The following SAMD12 variants were observed in gnomAD, a reference collection of about 807,000 sequenced individuals.
SAMD12 encodes the protein sterile alpha motif domain containing 12.
Under a neutral mutation model 15.0 loss-of-function variants are expected in SAMD12, and 9 were observed. That is an observed-to-expected ratio of 0.60 (90% confidence interval 0.36 to 1.05). The LOEUF (loss-of-function observed/expected upper bound fraction) is 1.05, where lower values mean the gene tolerates loss of function less well. Ranked by LOEUF, SAMD12 falls within the 50% of genes least tolerant of loss-of-function variation. The probability of loss-of-function intolerance (pLI) is 0.01; values close to 1 mark genes in which losing one functional copy is unlikely to be tolerated. For missense variants in SAMD12, 230 were observed against 234.2 expected, an observed-to-expected ratio of 0.98 and a Z score of 0.12; for synonymous variants, 86 against 90.1, an observed-to-expected ratio of 0.96 and a Z score of 0.25.
At chr8:118,264,199 T>C (rs1813147820) in intron 4 of SAMD12, among the ~76,000 whole-genome samples, 1 of 152,106 alleles carries the variant, frequency 6.6e-6, no homozygotes, top group Admixed American at 6.6e-5. Flanking sequence ...TTGGCATCTT[T>C]ACCACCCTCT....
intron 2 of SAMD12, among the ~76,000 whole-genome samples, chr8:118,457,102 ATAC>A (rs1377773887): frequency 2.6e-5 from 4 of 152,226 alleles, no homozygotes; most frequent in African/African-American, 7.2e-5. Flanking sequence ...TCAGTCCCTG[ATAC>A]TACTGACAAT....
chr8:118,564,396 T>C (rs1162380330), intron 2 of SAMD12, among the ~76,000 whole-genome samples: 1 of 152,068 alleles, frequency 6.6e-6, no homozygotes, highest in East Asian at 1.9e-4. Flanking sequence ...TTACATACAA[T>C]ACAAAATGGG....
intron 4 of SAMD12, among the ~76,000 whole-genome samples, chr8:118,270,365 T>A (rs1361638761): frequency 6.6e-6 from 1 of 152,190 alleles, no homozygotes; most frequent in African/African-American, 2.4e-5. Flanking sequence ...TGTTTGTGTA[T>A]TTTTCTTTGA....
intron 2 of SAMD12, among the ~76,000 whole-genome samples, chr8:118,537,121 G>A (rs1337386527): frequency 6.6e-6 from 1 of 152,128 alleles, no homozygotes; most frequent in Non-Finnish European, 1.5e-5. Context: ...TGGCCTGTAA[G>A]CTTTCCACTG....
intron 2 of SAMD12, among the ~76,000 whole-genome samples, chr8:118,566,609 A>G (rs1189657406): frequency 6.6e-6 from 1 of 152,144 alleles, no homozygotes; most frequent in African/African-American, 2.4e-5. Flanking sequence ...GATATCTTTT[A>G]TACTATGTCA....
At chr8:118,314,290 A>C (rs1815770613) in intron 4 of SAMD12, among the ~76,000 whole-genome samples, 1 of 152,122 alleles carries the variant, frequency 6.6e-6, no homozygotes, top group African/African-American at 2.4e-5. Context: ...TCTTTTTTTA[A>C]CTTTTTATTT....
chr8:118,140,828 C>T, the SAMD12 span, among the ~76,000 whole-genome samples: 1 of 152,176 alleles, frequency 6.6e-6, no homozygotes. Flanking sequence ...TCTTTCTTTT[C>T]CTTCCCTGAA....
intron 1 of SAMD12, among the ~76,000 whole-genome samples, chr8:118,609,268 A>C (rs575421430): frequency 1.3e-5 from 2 of 152,344 alleles, no homozygotes; most frequent in South Asian, 4.1e-4. Context: ...GTTCAAACAC[A>C]AAGGACAACA....
intron 4 of SAMD12, among the ~76,000 whole-genome samples, chr8:118,310,151 T>C (rs1373749455): frequency 6.6e-6 from 1 of 152,208 alleles, no homozygotes; most frequent in Non-Finnish European, 1.5e-5. Context: ...TTAGACTCTA[T>C]TCATCCTTCA....
chr8:118,444,486 C>A (rs544931863), intron 2 of SAMD12, among the ~76,000 whole-genome samples: 121 of 151,456 alleles, frequency 8.0e-4, no homozygotes, highest in African/African-American at 2.8e-3. Context: ...ACAGGAAGAA[C>A]TAACTTTATG....
intron 4 of SAMD12, among the ~76,000 whole-genome samples, chr8:118,235,122 C>T (rs1378616038): frequency 1.6e-4 from 24 of 152,064 alleles, no homozygotes; most frequent in Admixed American, 1.6e-3. Flanking sequence ...ATGTGTAAAC[C>T]TCAAACCTCA....
intron 1 of SAMD12, among the ~76,000 whole-genome samples, chr8:118,587,792 G>C (rs1827489271): frequency 6.6e-6 from 1 of 152,214 alleles, no homozygotes; most frequent in Admixed American, 6.5e-5. Flanking sequence ...GAGTCTGTGA[G>C]AAAAGTAATT....
chr8:118,139,399 C>T, the SAMD12 span, among the ~76,000 whole-genome samples: 2 of 152,146 alleles, frequency 1.3e-5, no homozygotes, highest in African/African-American at 4.8e-5. Flanking sequence ...TACTCTGTCA[C>T]CCAGCCTAGA....
intron 1 of SAMD12, among the ~76,000 whole-genome samples, chr8:118,595,978 T>A (rs948876738): frequency 6.6e-6 from 1 of 152,230 alleles, no homozygotes; most frequent in South Asian, 2.1e-4. Context: ...GTGAATTTGG[T>A]CAATGGATAT....
At chr8:118,321,295 GT>G (rs1380612836) in intron 4 of SAMD12, among the ~76,000 whole-genome samples, 2,335 of 87,100 alleles carry the variant, frequency 0.027, 88 homozygotes, top group African/African-American at 0.15. Flanking sequence ...TTTTTTTTTT[GT>G]TTTTTTTTTT....
intron 4 of SAMD12, among the ~76,000 whole-genome samples, chr8:118,256,143 T>A (rs1812934565): frequency 1.3e-5 from 2 of 152,200 alleles, no homozygotes; most frequent in South Asian, 4.1e-4. Flanking sequence ...TTTGGCTGCA[T>A]AAATGTCTTC....
chr8:118,553,944 A>G (rs1826435069), intron 2 of SAMD12, among the ~76,000 whole-genome samples: 1 of 152,022 alleles, frequency 6.6e-6, no homozygotes, highest in African/African-American at 2.4e-5. Flanking sequence ...GCTCACCATC[A>G]CTGGCCATCA....
chr8:118,204,725 G>A (rs1819814279), intron 4 of SAMD12, among the ~76,000 whole-genome samples: 1 of 152,062 alleles, frequency 6.6e-6, no homozygotes, highest in Non-Finnish European at 1.5e-5. Context: ...CTGCACTCCA[G>A]CCTAGGCGAC....
chr8:118,367,529 A>G (rs1025196551), intron 4 of SAMD12, among the ~76,000 whole-genome samples: 1 of 152,250 alleles, frequency 6.6e-6, no homozygotes, highest in South Asian at 2.1e-4. Flanking sequence ...TCAAGGTGAC[A>G]TAACAATGCA....
Sources: gnomAD v4.1 joint callset for allele counts (sites outside exome capture counted in the v4.1 genomes callset) on GRCh38, gnomAD v4.1.1 for gene constraint, MANE v1.5 for transcripts, NCBI Gene and HGNC (gene_info 2026-07-23, HGNC 2026-07-21) for gene names.